The following MMP16 variants were observed in gnomAD, a reference collection of about 807,000 sequenced individuals.
MMP16 encodes matrix metalloproteinase-16.
In MMP16, 12 loss-of-function variants were observed where a neutral mutation model predicts 67.8. That is an observed-to-expected ratio of 0.18 (90% CI 0.11 to 0.29). The LOEUF is 0.29. Ranked by LOEUF, MMP16 falls within the 10% of genes least tolerant of loss-of-function variation. The probability of loss-of-function intolerance (pLI) is 1.00; values close to 1 mark genes in which losing one functional copy is unlikely to be tolerated. For missense variants in MMP16, 475 were observed against 765.7 expected, an observed-to-expected ratio of 0.62 and a Z score of 4.48; for synonymous variants, 249 against 255.9, an observed-to-expected ratio of 0.97 and a Z score of 0.26.
At chr8:88,078,695 C>CAAAACAA (rs1264266818) in intron 6 of MMP16, among the ~76,000 whole-genome samples, 1 of 152,074 alleles carries the variant, frequency 6.6e-6, no homozygotes, top group African/African-American at 2.4e-5. Flanking sequence ...AAAAACAAAA[C>CAAAACAA]AAAACAAAAA....
chr8:88,168,064 G>GA, intron 3 of MMP16, 91 bp from the exon 4 acceptor site: 1 of 912,000 alleles, frequency 1.1e-6, no homozygotes, highest in Non-Finnish European at 1.6e-6. Context: ...AAATATTAGA[G>GA]AAAATAGTCA....
At chr8:88,061,814 AT>A (rs1808403710) in intron 7 of MMP16, among the ~76,000 whole-genome samples, 3 of 152,128 alleles carry the variant, frequency 2.0e-5, no homozygotes, top group Admixed American at 2.0e-4. Context: ...AGTATTTTCC[AT>A]ACACAAAAGG....
At chr8:88,222,437 T>C (rs1207049183) in intron 1 of MMP16, among the ~76,000 whole-genome samples, 1 of 152,122 alleles carries the variant, frequency 6.6e-6, no homozygotes, top group African/African-American at 2.4e-5. Flanking sequence ...GCTACCTGAC[T>C]TCAAACTATA....
At chr8:88,202,517 C>CCCT (rs778851778) in intron 1 of MMP16, among the ~76,000 whole-genome samples, 6 of 152,122 alleles carry the variant, frequency 3.9e-5, no homozygotes, top group Non-Finnish European at 2.9e-5. Flanking sequence ...CCATTATGTG[C>CCCT]TAGTCATCAG....
rs1186919582 is a variant in MMP16, at chr8:88,035,214, T to C, written c.*6247A>G. The C allele has an allele frequency of 2.0e-5, 3 of 152,158 alleles. No individual in the cohort carries two copies. The East Asian group carries it at 5.8e-4, about 29-fold the overall frequency. The allele number at this position is 152,158 out of a possible 1,614,324, so 9.4% of individuals were successfully genotyped here. ...CTAAGTGACCTAACATAAGTATATT[T>C]CCGTATTTATATTTAATTGATTCTT... On this transcript the variant is annotated 3_prime_UTR_variant, in exon 10 of 10. Transcript: ENST00000286614. This position sits in a 1 kb window ranked among gnomAD's most constrained non-coding sequence, Gnocchi z 4.7.
chr8:88,057,169 G>C (rs1808342854), intron 7 of MMP16, among the ~76,000 whole-genome samples: 1 of 152,056 alleles, frequency 6.6e-6, no homozygotes, highest in Non-Finnish European at 1.5e-5. Context: ...TCCTCTCTGA[G>C]CTGTGAGAAA....
chr8:88,109,108 A>G (rs147637974), intron 6 of MMP16, among the ~76,000 whole-genome samples: 65 of 151,556 alleles, frequency 4.3e-4, no homozygotes, highest in African/African-American at 1.3e-3. Flanking sequence ...TATTAAATAT[A>G]TATTTATTGA....
At chr8:88,054,228 C>A (rs1808304882) in intron 8 of MMP16, among the ~76,000 whole-genome samples, 1 of 152,138 alleles carries the variant, frequency 6.6e-6, no homozygotes, top group Non-Finnish European at 1.5e-5. Context: ...CTTCCATTTT[C>A]TGTCCCCTAG....
chr8:88,319,912 A>G (rs1036117654), intron 1 of MMP16, among the ~76,000 whole-genome samples: 2 of 152,204 alleles, frequency 1.3e-5, no homozygotes, highest in African/African-American at 2.4e-5. Context: ...CTCAGGGTCC[A>G]TGACTTACTT....
intron 1 of MMP16, among the ~76,000 whole-genome samples, chr8:88,287,716 G>A (rs1014054989): frequency 1.3e-5 from 2 of 152,212 alleles, no homozygotes; most frequent in African/African-American, 4.8e-5. Flanking sequence ...AGCCCATTAT[G>A]TGACAGGCAG....
intron 6 of MMP16, among the ~76,000 whole-genome samples, chr8:88,094,094 TATAAC>T (rs1413117321): frequency 1.3e-5 from 2 of 151,882 alleles, no homozygotes; most frequent in Non-Finnish European, 2.9e-5. Flanking sequence ...TTATTTTACA[TATAAC>T]ATAACTACAT....
intron 1 of MMP16, among the ~76,000 whole-genome samples, chr8:88,321,089 T>C (rs1811453343): frequency 6.6e-6 from 1 of 152,212 alleles, no homozygotes; most frequent in Admixed American, 6.5e-5. Flanking sequence ...CCTTTTAGTA[T>C]GGAATTTTTT....
intron 4 of MMP16, among the ~76,000 whole-genome samples, chr8:88,142,286 T>G (rs1361650305): frequency 1.3e-5 from 2 of 152,154 alleles, no homozygotes; most frequent in African/African-American, 4.8e-5. Flanking sequence ...AATAATCCTA[T>G]TATATTCAAT....
chr8:88,073,383 T>C (rs1239371129), intron 7 of MMP16, among the ~76,000 whole-genome samples: 1 of 152,154 alleles, frequency 6.6e-6, no homozygotes, highest in African/African-American at 2.4e-5. Flanking sequence ...GCACTTTACA[T>C]GTAGTAATTA....
chr8:88,233,151 A>G (rs1809887907), intron 1 of MMP16, among the ~76,000 whole-genome samples: 1 of 152,210 alleles, frequency 6.6e-6, no homozygotes, highest in Admixed American at 6.5e-5. Flanking sequence ...GAAAATTCTT[A>G]GCAGAGTATC....
intron 1 of MMP16, among the ~76,000 whole-genome samples, chr8:88,249,036 C>T (rs1353472622): frequency 2.0e-5 from 3 of 151,660 alleles, no homozygotes; most frequent in Non-Finnish European, 2.9e-5. Flanking sequence ...AATTAGTTGG[C>T]TGGGGATGAA....
intron 7 of MMP16, among the ~76,000 whole-genome samples, chr8:88,062,778 C>T (rs985873669): frequency 1.3e-5 from 2 of 151,810 alleles, no homozygotes; most frequent in African/African-American, 2.4e-5. Flanking sequence ...GCATGTTGTG[C>T]ACATGTACCC....
At chr8:88,313,184 T>C (rs537355904) in intron 1 of MMP16, among the ~76,000 whole-genome samples, 163 of 152,330 alleles carry the variant, frequency 1.1e-3, no homozygotes, top group African/African-American at 3.8e-3. Context: ...TGTGTACTGA[T>C]GTTGTTGGAC....
chr8:88,052,409 C>T (rs1349344298), intron 8 of MMP16, among the ~76,000 whole-genome samples: 1 of 152,068 alleles, frequency 6.6e-6, no homozygotes, highest in Non-Finnish European at 1.5e-5. Flanking sequence ...TATCCTGCAC[C>T]CACCCACTTT....
Sources: gnomAD v4.1 joint callset for allele counts (sites outside exome capture counted in the v4.1 genomes callset) on GRCh38, gnomAD v4.1.1 for gene constraint, Gnocchi (gnomAD v3.1) non-coding constraint, MANE v1.5 for transcripts, NCBI Gene and HGNC (gene_info 2026-07-23, HGNC 2026-07-21) for gene names.